Variants in SH3BP5 observed in about 807,000 individuals in gnomAD.
SH3BP5 encodes the protein SH3 domain binding protein 5.
Under a neutral mutation model 43.3 loss-of-function variants are expected in SH3BP5, and 22 were observed. That is an observed-to-expected ratio of 0.51 (90% confidence interval 0.36 to 0.73). SH3BP5 has a LOEUF of 0.73. Ranked by LOEUF, SH3BP5 falls within the 30% of genes least tolerant of loss-of-function variation. The pLI, the probability that SH3BP5 is intolerant of heterozygous loss-of-function variation, is 0.00. For synonymous variants in SH3BP5, 255 were observed against 225.8 expected (o/e 1.13, Z -1.16); for missense variants, 529 against 586.9 (o/e 0.90, Z 1.02).
At chr3:15,306,342 G>C (rs1280729894) in intron 2 of SH3BP5, among the ~76,000 whole-genome samples, 1 of 152,148 alleles carries the variant, frequency 6.6e-6, no homozygotes, top group African/African-American at 2.4e-5. Flanking sequence ...CTGGGAGACA[G>C]AGCGAGACTC....
intron 7 of SH3BP5, 129 bp downstream of exon 7, chr3:15,258,682 TCCATAAAACATGGGAACCCA>T: frequency 1.6e-6 from 1 of 631,576 alleles, no homozygotes; most frequent in Admixed American, 2.9e-5. Flanking sequence ...AACACAGTGT[TCCATAAAACATGGGAACCCA>T]CCAGAAATAG....
chr3:15,277,482 G>A (rs2125075671), intron 3 of SH3BP5, among the ~76,000 whole-genome samples: 1 of 152,246 alleles, frequency 6.6e-6, no homozygotes, highest in South Asian at 2.1e-4. Flanking sequence ...GAGAAGGCCT[G>A]CTGCTGTAGG....
At chr3:15,308,624 G>A (rs558499521) in intron 2 of SH3BP5, among the ~76,000 whole-genome samples, 1 of 152,206 alleles carries the variant, frequency 6.6e-6, no homozygotes, top group East Asian at 1.9e-4. Context: ...GACGCCTCCT[G>A]GCCATTATAA....
intron 2 of SH3BP5, among the ~76,000 whole-genome samples, chr3:15,324,408 G>T (rs1401182410): frequency 6.6e-6 from 1 of 152,148 alleles, no homozygotes; most frequent in South Asian, 2.1e-4. Context: ...TGACCACCCT[G>T]GTCCCCAGTG....
At chr3:15,330,342 G>C (rs962684088) in intron 2 of SH3BP5, among the ~76,000 whole-genome samples, 162 bp downstream of exon 2, 1 of 152,192 alleles carries the variant, frequency 6.6e-6, no homozygotes, top group African/African-American at 2.4e-5. Context: ...CCGCCCACAG[G>C]TTGAGCTCAG....
chr3:15,315,767 C>A (rs1298456838), intron 2 of SH3BP5, among the ~76,000 whole-genome samples: 1 of 152,168 alleles, frequency 6.6e-6, no homozygotes, highest in Non-Finnish European at 1.5e-5. Flanking sequence ...GATTCCATAA[C>A]CAAAGGGAAG....
intron 4 of SH3BP5, among the ~76,000 whole-genome samples, chr3:15,268,938 T>C (rs1696719122): frequency 6.6e-6 from 1 of 152,170 alleles, no homozygotes; most frequent in Non-Finnish European, 1.5e-5. Flanking sequence ...CATGAGACAC[T>C]GAATCTACCA....
upstream of SH3BP5, chr3:15,332,714 C>T (rs1321851629): frequency 2.8e-6 from 3 of 1,058,788 alleles, no homozygotes; most frequent in South Asian, 4.6e-5. Context: ...AAAACCCCAG[C>T]TCCCTCCACA....
chr3:15,280,427 G>C (rs937171684), intron 3 of SH3BP5, among the ~76,000 whole-genome samples: 2 of 152,138 alleles, frequency 1.3e-5, no homozygotes, highest in African/African-American at 4.8e-5. Flanking sequence ...ACCAAACCTA[G>C]ACTCCTCACC....
rs139246593 is a variant in SH3BP5, at chr3:15,318,557, A to ATGTTTT, written c.201+11941_201+11946dup. Among the ~76,000 whole-genome samples, 36 of 140,908 alleles carry ATGTTTT rather than the reference A, an allele frequency of 2.6e-4. No individual in the cohort carries two copies. The South Asian group carries it at 7.8e-3, about 31-fold the overall frequency. The allele number at this position is 140,908 out of a possible 152,430, so 92.4% of individuals were successfully genotyped here. A position where few individuals can be genotyped will look rare whatever the true frequency, so the allele number is the denominator to read the frequency against. On this transcript the variant is annotated intron_variant, in intron 2 of 8. Transcript: ENST00000383791. ...AAAAAAAAAAAAAAAAAGCTTTCCT[A>ATGTTTT]TGTTTTTGTTTTTGTTTTTTTTAAG...
At chr3:15,269,317 AG>A (rs1696731306) in intron 4 of SH3BP5, among the ~76,000 whole-genome samples, 1 of 152,128 alleles carries the variant, frequency 6.6e-6, no homozygotes, top group South Asian at 2.1e-4. Context: ...CCCGAAGTGC[AG>A]CCCCCATTTA....
upstream of SH3BP5, chr3:15,332,688 T>C (rs968700234): frequency 1.8e-6 from 2 of 1,125,544 alleles, no homozygotes; most frequent in African/African-American, 1.6e-5. Context: ...GTCCCAGCTA[T>C]CCAGGTCTCC....
chr3:15,328,418 T>TAAAAA (rs1559461689), intron 2 of SH3BP5, among the ~76,000 whole-genome samples: 3 of 142,550 alleles, frequency 2.1e-5, no homozygotes, highest in Non-Finnish European at 3.1e-5. Context: ...ATCAATGCTT[T>TAAAAA]TAAAAAAAAA....
intron 3 of SH3BP5, among the ~76,000 whole-genome samples, chr3:15,296,337 C>CATAT (rs1188687473): frequency 7.6e-6 from 1 of 131,154 alleles, no homozygotes; most frequent in Non-Finnish European, 1.5e-5. Flanking sequence ...ATGGGGAAAT[C>CATAT]ATATACACAC....
chr3:15,300,754 G>C (rs1442048326), intron 3 of SH3BP5, among the ~76,000 whole-genome samples: 2 of 152,134 alleles, frequency 1.3e-5, no homozygotes. Context: ...GTAGGAGTTA[G>C]ATTAGGAATC....
intron 2 of SH3BP5, among the ~76,000 whole-genome samples, chr3:15,306,602 C>T (rs1697914193): frequency 6.6e-6 from 1 of 152,190 alleles, no homozygotes; most frequent in African/African-American, 2.4e-5. Flanking sequence ...GGAGACTCAA[C>T]ACCCACCTGC....
chr3:15,332,133 C>G, intron 1 of SH3BP5, 138 bp downstream of exon 1: 3 of 1,347,372 alleles, frequency 2.2e-6, no homozygotes, highest in Non-Finnish European at 3.0e-6. Flanking sequence ...AGCATACAGA[C>G]CGTCTCCTGC....
chr3:15,290,805 T>C (rs965800065), intron 3 of SH3BP5, among the ~76,000 whole-genome samples: 2 of 151,958 alleles, frequency 1.3e-5, no homozygotes, highest in Non-Finnish European at 1.5e-5. Flanking sequence ...CCATCCTCCA[T>C]GAGAAGGTAA....
At chr3:15,334,418 T>C (rs538137686), upstream of SH3BP5, among the ~76,000 whole-genome samples, 11 of 152,094 alleles carry the variant, frequency 7.2e-5, no homozygotes, top group South Asian at 2.1e-3. Context: ...AACACAACAA[T>C]TAAAAAAATG....
Sources: allele counts gnomAD v4.1 joint callset (sites outside exome capture counted in the v4.1 genomes callset), GRCh38; gene constraint gnomAD v4.1.1; transcripts MANE v1.5; gene names NCBI Gene and HGNC (gene_info 2026-07-23, HGNC 2026-07-21).